The following PRPF3 variants were observed in gnomAD, a reference collection of about 807,000 sequenced individuals.
The protein encoded by PRPF3 is U4/U6 small nuclear ribonucleoprotein Prp3.
A neutral mutation model predicts 89.2 loss-of-function variants in PRPF3; 3 were observed. The observed-to-expected ratio is 0.03, with a 90% CI of 0.02 to 0.09. The LOEUF (loss-of-function observed/expected upper bound fraction) is 0.09, where lower values mean the gene tolerates loss of function less well. PRPF3 is among the 10% of genes least tolerant of loss of function. The probability of loss-of-function intolerance (pLI) is 1.00; values close to 1 mark genes in which losing one functional copy is unlikely to be tolerated. For synonymous variants in PRPF3, 270 were observed against 289.1 expected (o/e 0.93, Z 0.67); for missense variants, 463 against 828.8 (o/e 0.56, Z 5.42).
chr1:150,328,659 TCTC>T (rs1262825179), intron 4 of PRPF3, among the ~76,000 whole-genome samples, 193 bp downstream of exon 4: 1 of 137,590 alleles, frequency 7.3e-6, no homozygotes. Flanking sequence ...TTCAAGCAAA[TCTC>T]CTGTCTCAGC....
At chr1:150,333,661 A>C (rs1656666012) in intron 6 of PRPF3, among the ~76,000 whole-genome samples, 1 of 152,168 alleles carries the variant, frequency 6.6e-6, no homozygotes, top group Non-Finnish European at 1.5e-5. Flanking sequence ...TAACCAGTTG[A>C]ATTTTTTCTC....
At position 150,353,193 on chromosome 1, in the gene PRPF3, A is replaced by T. The variant is rs1659115176; in HGVS notation, c.*214A>T. 1 of 593,918 alleles carries T rather than the reference A, an allele frequency of 1.7e-6. No individual in the cohort carries two copies. The highest frequency in any genetic ancestry group is 3.0e-5 in the East Asian group (1 of 33,234). The allele number at this position is 593,918 out of a possible 1,614,324, so 36.8% of individuals were successfully genotyped here. A position where few individuals can be genotyped will look rare whatever the true frequency, so the allele number is the denominator to read the frequency against. On this transcript the variant is annotated 3_prime_UTR_variant, in exon 16 of 16. Coordinates refer to ENST00000324862, the MANE Select transcript of PRPF3 (RefSeq NM_004698.4). The stretch of plus-strand genomic sequence containing the variant: ...TGCATATGATTAAAGAGTTATTTTT[A>T]AACTTGGTGTGATATTTTTCACACA...
chr1:150,321,644 G>A (rs1232265040), intron 1 of PRPF3, 52 bp downstream of exon 1: 1 of 152,714 alleles, frequency 6.5e-6, no homozygotes, highest in African/African-American at 2.4e-5. Flanking sequence ...GCGCCACTGT[G>A]GCCGGGGACT....
Position 150,325,734 on chromosome 1 carries a change from G to A in PRPF3, c.146-17G>A, listed in dbSNP as rs11205362. The A allele has an allele frequency of 0.1, 166,809 of 1,609,420 alleles. 9,760 individuals carry two copies. Among genetic ancestry groups the A allele is most frequent in the Non-Finnish European group, 0.12 (140,515 of 1,177,066 alleles). On this transcript the variant is annotated splice_polypyrimidine_tract_variant and intron_variant, in intron 2 of 15. Coordinates refer to ENST00000324862, the MANE Select transcript of PRPF3 (RefSeq NM_004698.4). ...CTCTTACCTTTCCAACCCTACCACC[G>A]CCTTTCTTCCTGTCAGATCATCTGA...
At position 150,325,029 on chromosome 1, in the gene PRPF3, G is replaced by A. The variant is rs782344383; in HGVS notation, c.87G>A (p.Thr29=). Residue 29 remains threonine (T), a synonymous_variant, in exon 2 of 16, where the codon ACG becomes ACA. Coordinates refer to ENST00000324862, the MANE Select transcript of PRPF3 (RefSeq NM_004698.4). The stretch of plus-strand genomic sequence containing the variant: ...GGGTCCTGGGTTTCTCAGAGCCTAC[G>A]GTGGTCACAGCAGCATTGAACTGTG... ...VKRVLGFSEP[T]VVTAALNCVG... 13 of 1,613,890 alleles carry A rather than the reference G, an allele frequency of 8.1e-6. No homozygotes were observed. Among genetic ancestry groups the A allele is most frequent in the African/African-American group, 1.3e-5 (1 of 74,986 alleles).
intron 15 of PRPF3, among the ~76,000 whole-genome samples, chr1:150,349,689 A>T (rs1376504239): frequency 6.6e-6 from 1 of 152,148 alleles, no homozygotes; most frequent in Non-Finnish European, 1.5e-5. Flanking sequence ...CTATATTGTC[A>T]AGTTTTTGAG....
intron 14 of PRPF3, 93 bp downstream of exon 14, chr1:150,346,584 C>A: frequency 2.4e-6 from 3 of 1,255,446 alleles, no homozygotes; most frequent in Non-Finnish European, 3.5e-6. Context: ...CTGTGACACT[C>A]TTGATAACAC....
intron 6 of PRPF3, among the ~76,000 whole-genome samples, chr1:150,333,468 G>A (rs1656634713): frequency 1.3e-5 from 2 of 152,188 alleles, no homozygotes; most frequent in African/African-American, 4.8e-5. Context: ...TCGGGAGGCT[G>A]AGGCAGGAGA....
chr1:150,336,277 G>A (rs1435898653), intron 7 of PRPF3, among the ~76,000 whole-genome samples: 1 of 151,978 alleles, frequency 6.6e-6, no homozygotes, highest in East Asian at 1.9e-4. Context: ...TAGGGTTCGC[G>A]CTCCTCTGAG....
At chr1:150,345,929 C>T (rs1280285485) in intron 12 of PRPF3, 89 bp from the exon 13 acceptor site, 1 of 981,722 alleles carries the variant, frequency 1.0e-6, no homozygotes, top group Non-Finnish European at 1.7e-6. Flanking sequence ...GAGAGGAAAC[C>T]ATTTTGGATT....
rs1387360962 is a variant in PRPF3, at chr1:150,325,782, T to A, written c.177T>A (p.Thr59=). ...DHLKPFLDDS[T]LRFVDKLFEA... ...TGAAACCTTTTCTTGATGATTCTAC[T>A]CTCCGATTTGTGGACAAACTGTTTG... Residue 59 remains threonine, a synonymous_variant, in exon 3 of 16, where the codon ACT becomes ACA. Transcript: ENST00000324862. 1.9e-6 allele frequency: 3 copies of A among 1,613,486 alleles called. No homozygotes were observed. In the African/African-American group the frequency reaches 4.0e-5, roughly 22 times the overall value.
Position 150,346,123 on chromosome 1 carries a change from A to G in PRPF3, c.1746A>G (p.Val582=). ...VVVLHKDVNV[V]VVEGGPKAQK... is the part of the protein sequence containing the mutation. ...TACTGCACAAGGATGTCAACGTGGT[A>G]GTAGTGGAAGGGGGTGAGTCTGAAA... is the stretch of plus-strand genomic sequence containing the variant. The change falls in exon 13 of 16, where the codon GTA becomes GTG. Residue 582 remains valine, a synonymous_variant. Transcript: ENST00000324862. 1.2e-6 allele frequency: 2 copies of G among 1,614,034 alleles called. No homozygotes were observed. Among genetic ancestry groups the G allele is most frequent in the Non-Finnish European group, 1.7e-6 (2 of 1,179,896 alleles).
At chr1:150,342,347 T>A (rs1553871467) in intron 9 of PRPF3, among the ~76,000 whole-genome samples, 1 of 151,862 alleles carries the variant, frequency 6.6e-6, no homozygotes, top group Non-Finnish European at 1.5e-5. Context: ...GCCACTGCAC[T>A]CCAGCCTGGG....
intron 9 of PRPF3, among the ~76,000 whole-genome samples, chr1:150,342,641 G>A (rs1553871614): frequency 1.3e-5 from 2 of 151,876 alleles, no homozygotes; most frequent in Non-Finnish European, 2.9e-5. Flanking sequence ...TCCTGCCTCA[G>A]CCTCCCGAGT....
chr1:150,340,764 G>A (rs1553870214), intron 9 of PRPF3, among the ~76,000 whole-genome samples: 1 of 151,982 alleles, frequency 6.6e-6, no homozygotes, highest in African/African-American at 2.4e-5. Flanking sequence ...AGGATTGCTT[G>A]AGGCCAAGAA....
chr1:150,327,418 T>A (rs1360702707), intron 3 of PRPF3: 1 of 180,816 alleles, frequency 5.5e-6, no homozygotes, highest in Non-Finnish European at 1.1e-5. Context: ...ATGAAGTGAC[T>A]ACATTGGGTG....
At position 150,328,207 on chromosome 1, in the gene PRPF3, T is replaced by G. The variant is rs781881279; in HGVS notation, c.277-113T>G. The G allele has an allele frequency of 1.1e-5, 14 of 1,299,426 alleles. No homozygotes were observed. The South Asian group carries it at 1.5e-4, about 14-fold the overall frequency. 80.5% of individuals were successfully genotyped at this position (1,299,426 alleles called of 1,614,324 possible). ...TTCTGGCAGGTGGCTATTTGCAAGG[T>G]TGTGTCATATTCCCCTGGGAATAGC... On this transcript the variant is annotated intron_variant, in intron 3 of 15. Coordinates refer to ENST00000324862, the MANE Select transcript of PRPF3 (RefSeq NM_004698.4).
chr1:150,326,443 T>C (rs1288232344), intron 3 of PRPF3, among the ~76,000 whole-genome samples: 1 of 152,194 alleles, frequency 6.6e-6, no homozygotes, highest in Non-Finnish European at 1.5e-5. Flanking sequence ...CCCCCTTAAC[T>C]ACTACACTTT....
chr1:150,345,635 C>T, intron 12 of PRPF3: 1 of 289,562 alleles, frequency 3.5e-6, no homozygotes, highest in South Asian at 3.3e-5. Flanking sequence ...AGGCATGAGC[C>T]ACCGCACCCA....
Sources: allele counts gnomAD v4.1 joint callset (sites outside exome capture counted in the v4.1 genomes callset), GRCh38; gene constraint gnomAD v4.1.1; transcripts MANE v1.5; gene names NCBI Gene and HGNC (gene_info 2026-07-23, HGNC 2026-07-21).